The following SLC25A25 variants were observed in gnomAD, a reference collection of about 807,000 sequenced individuals.
SLC25A25 encodes the protein mitochondrial adenyl nucleotide antiporter SLC25A25.
A neutral mutation model predicts 57.7 loss-of-function variants in SLC25A25; 32 were observed. The ratio of observed to expected loss-of-function variants is 0.55; its 90% CI spans 0.42 to 0.74. The LOEUF is 0.74. Ranked by LOEUF, SLC25A25 falls within the 30% of genes least tolerant of loss-of-function variation. The probability of loss-of-function intolerance (pLI) is 0.00; values close to 1 mark genes in which losing one functional copy is unlikely to be tolerated. For missense variants in SLC25A25, 556 were observed against 701.3 expected (o/e 0.79, Z 2.34); for synonymous variants, 306 against 291.2 (o/e 1.05, Z -0.52).
At position 128,107,831 on chromosome 9, in the gene SLC25A25, G is replaced by A. The variant is rs111828101; in HGVS notation, c.*387G>A. On this transcript the variant is annotated 3_prime_UTR_variant, in exon 11 of 11. Coordinates refer to ENST00000373069, the MANE Select transcript of SLC25A25 (RefSeq NM_001330988.2). Reference sequence around the variant, plus strand: ...CACGGCCCCTGCCCTCTGGTCTGCCGTGCATCTCCCTGTGCCCTCTTGCTG... The same window carrying A: ...CACGGCCCCTGCCCTCTGGTCTGCCATGCATCTCCCTGTGCCCTCTTGCTG... 2.5e-5 allele frequency: 10 copies of A among 404,554 alleles called. No individual in the cohort carries two copies. Among genetic ancestry groups the A allele is most frequent in the African/African-American group, 1.6e-4 (8 of 48,852 alleles). The allele number at this position is 404,554 out of a possible 1,614,324, so 25.1% of individuals were successfully genotyped here.
At chr9:128,071,680 G>A (rs1402062209) in intron 1 of SLC25A25, among the ~76,000 whole-genome samples, 1 of 151,112 alleles carries the variant, frequency 6.6e-6, no homozygotes, top group Non-Finnish European at 1.5e-5. Flanking sequence ...CCAAAGCACT[G>A]GGATTACAGG....
intron 1 of SLC25A25, among the ~76,000 whole-genome samples, chr9:128,097,717 G>A (rs7025409): frequency 0.011 from 1,745 of 152,316 alleles, 39 homozygotes; most frequent in African/African-American, 0.039. Flanking sequence ...GTGAGGCCTC[G>A]ACTGACCCCA....
rs184400603 is a variant in SLC25A25, at chr9:128,097,695, T to C, written c.262-3401T>C. ...CTGAGCGGACGTGGGCGTTGAAGAC[T>C]GTGGGTCTCATGTGAGGCCTCGACT... On this transcript the variant is annotated intron_variant, in intron 1 of 10. Coordinates refer to ENST00000373069, the MANE Select transcript of SLC25A25 (RefSeq NM_001330988.2). 5.4e-4 allele frequency among the ~76,000 whole-genome samples: 82 copies of C among 152,362 alleles called. 1 individual carries two copies. Among genetic ancestry groups the C allele is most frequent in the African/African-American group, 1.9e-3 (81 of 41,580 alleles).
At chr9:128,088,828 T>G (rs2130799411) in intron 1 of SLC25A25, among the ~76,000 whole-genome samples, 1 of 152,302 alleles carries the variant, frequency 6.6e-6, no homozygotes, top group South Asian at 2.1e-4. Context: ...AATAAGGGAT[T>G]TCTCTTATGT....
At chr9:128,093,736 C>T (rs563183026) in intron 1 of SLC25A25, among the ~76,000 whole-genome samples, 8 of 152,304 alleles carry the variant, frequency 5.3e-5, no homozygotes, top group East Asian at 1.9e-4. Flanking sequence ...GGATGCAGCC[C>T]GCATCCTTTT....
chr9:128,070,284 G>T (rs966291381), intron 1 of SLC25A25, among the ~76,000 whole-genome samples: 1 of 151,582 alleles, frequency 6.6e-6, no homozygotes, highest in African/African-American at 2.4e-5. Flanking sequence ...ATTTTTAAGA[G>T]AGATGGGGTT....
intron 1 of SLC25A25, among the ~76,000 whole-genome samples, chr9:128,085,389 G>T (rs1486799257): frequency 6.6e-6 from 1 of 151,934 alleles, no homozygotes; most frequent in African/African-American, 2.4e-5. Context: ...TCCAAGGTGA[G>T]GAGGCCAGGA....
intron 1 of SLC25A25, among the ~76,000 whole-genome samples, chr9:128,083,843 A>G (rs1351778793): frequency 6.6e-6 from 1 of 151,996 alleles, no homozygotes; most frequent in Non-Finnish European, 1.5e-5. Context: ...TAAGATAGGT[A>G]CTAGGCAGTT....
rs1834128785 is a variant in SLC25A25 at position 128,108,187 on chromosome 9, C to T, written c.*743C>T. 2.5e-6 allele frequency: 1 copy of T among 399,094 alleles called. No homozygotes were observed. The highest frequency in any genetic ancestry group is 1.3e-4 in the South Asian group (1 of 7,868). 24.7% of individuals were successfully genotyped at this position (399,094 alleles called of 1,614,324 possible). A position where few individuals can be genotyped will look rare whatever the true frequency, so the allele number is the denominator to read the frequency against. ...CTGGACCCTGTCAGGATGGGCCCCA[C>T]CTCAGAACCAAACTCACTGTCCCCA... On this transcript the variant is annotated 3_prime_UTR_variant, in exon 11 of 11. Coordinates refer to ENST00000373069, the MANE Select transcript of SLC25A25 (RefSeq NM_001330988.2).
rs954116568 is a variant in SLC25A25 at position 128,101,504 on chromosome 9, C to T, written c.476+108C>T. Reference sequence around the variant, plus strand: ...GGGCTGACCCTGAACTTGGCCTTCTCGTGGTTTGAAAGGATGAATAAGTAA... The same window carrying T: ...GGGCTGACCCTGAACTTGGCCTTCTTGTGGTTTGAAAGGATGAATAAGTAA... On this transcript the variant is annotated intron_variant, in intron 3 of 10. Coordinates refer to ENST00000373069, the MANE Select transcript of SLC25A25 (RefSeq NM_001330988.2). This position sits in a 1 kb window ranked among gnomAD's most constrained non-coding sequence, Gnocchi z 4.9. The T allele has an allele frequency of 4.2e-5, 55 of 1,309,242 alleles. No homozygotes were observed. Among genetic ancestry groups the T allele is most frequent in the African/African-American group, 1.8e-4 (12 of 68,398 alleles). 81.1% of individuals were successfully genotyped at this position (1,309,242 alleles called of 1,614,324 possible). A position where few individuals can be genotyped will look rare whatever the true frequency, so the allele number is the denominator to read the frequency against.
intron 1 of SLC25A25, among the ~76,000 whole-genome samples, chr9:128,078,644 C>T (rs1010115809): frequency 3.3e-5 from 5 of 152,208 alleles, no homozygotes; most frequent in South Asian, 2.1e-4. Flanking sequence ...AGCCGTGGAT[C>T]GTCTTTCCTA....
chr9:128,098,899 G>A (rs560806745), intron 1 of SLC25A25: 8 of 985,442 alleles, frequency 8.1e-6, no homozygotes, highest in African/African-American at 7.0e-5. Context: ...AGGAGTGACC[G>A]GTTTTCATGT....
rs745548531 is a variant in SLC25A25, at chr9:128,106,453, A to G, written c.1145A>G (p.Tyr382Cys). ...ILAREGVAAF[Y>C]KGYVPNMLGI... ...GCCAGAGAGGGGGTGGCCGCCTTCT[A>G]CAAAGGCTATGTCCCCAACATGCTG... The change falls in exon 9 of 11, where the codon TAC becomes TGC. Residue 382 changes from tyrosine (Y) to cysteine (C), a missense_variant. Physicochemically the swap from Tyr to Cys is radical, Grantham distance 194. Around this residue, in one of 3 missense-constraint regions of SLC25A25, gnomAD observed 294 missense variants for 389.6 expected, o/e 0.75. Coordinates refer to ENST00000373069, the MANE Select transcript of SLC25A25 (RefSeq NM_001330988.2). 3 of 1,613,348 alleles carry G rather than the reference A, an allele frequency of 1.9e-6. No individual in the cohort carries two copies. Among genetic ancestry groups the G allele is most frequent in the Non-Finnish European group, 2.5e-6 (3 of 1,179,934 alleles).
chr9:128,098,558 G>A, intron 1 of SLC25A25: 1 of 1,608,210 alleles, frequency 6.2e-7, no homozygotes. Context: ...CACCCAGCAG[G>A]CCGCCAACAT....
At chr9:128,082,999 C>T (rs1020282568) in intron 1 of SLC25A25, among the ~76,000 whole-genome samples, 4 of 151,868 alleles carry the variant, frequency 2.6e-5, no homozygotes, top group African/African-American at 9.7e-5. Context: ...GAGGCTGAAG[C>T]GGGCAGATCA....
chr9:128,098,751 G>T, intron 1 of SLC25A25: 1 of 1,611,292 alleles, frequency 6.2e-7, no homozygotes, highest in South Asian at 1.1e-5. Context: ...GCGCGGAAGG[G>T]AGAGGCGCAT....
At chr9:128,069,609 A>C (rs1443327642) in intron 1 of SLC25A25, among the ~76,000 whole-genome samples, 1 of 152,220 alleles carries the variant, frequency 6.6e-6, no homozygotes, top group Non-Finnish European at 1.5e-5. Context: ...GTGGGTGTAC[A>C]TAGGTGTTGT....
intron 1 of SLC25A25, among the ~76,000 whole-genome samples, chr9:128,084,043 C>T (rs905253156): frequency 6.6e-6 from 1 of 152,114 alleles, no homozygotes; most frequent in African/African-American, 2.4e-5. Context: ...CATGATTCGA[C>T]TCACTACTTC....
In SLC25A25 at chr9:128,100,346, G is replaced by A. The variant is rs527353594; in HGVS notation, c.262-750G>A. Among the ~76,000 whole-genome samples the A allele has an allele frequency of 5.3e-5, 8 of 150,882 alleles. No individual in the cohort carries two copies. In the East Asian group the frequency reaches 9.7e-4, roughly 18 times the overall value. ...AGCCCACCTCCTGGGAGGCGGGGGC[G>A]GGGGGGGTTACTTTTGGAACCTCAT... On this transcript the variant is annotated intron_variant, in intron 1 of 10. Transcript: ENST00000373069.
Sources: allele counts gnomAD v4.1 joint callset (sites outside exome capture counted in the v4.1 genomes callset), GRCh38; gene constraint gnomAD v4.1.1; regional missense constraint gnomAD v4.1.1; non-coding constraint Gnocchi (gnomAD v3.1); transcripts MANE v1.5; gene names NCBI Gene and HGNC (gene_info 2026-07-23, HGNC 2026-07-21).